Variants in GRSF1 observed in about 807,000 individuals in gnomAD.
GRSF1 encodes the protein G-rich sequence factor 1.
GRSF1 carries 50 observed loss-of-function variants against 51.1 expected under a neutral mutation model. The observed-to-expected ratio is 0.98, with a 90% confidence interval of 0.78 to 1.24. The LOEUF (loss-of-function observed/expected upper bound fraction) is 1.24. Ranked by LOEUF, GRSF1 falls within the 50% of genes most tolerant of loss-of-function variation. The pLI is 0.00. For synonymous variants in GRSF1, 293 were observed against 253.3 expected (o/e 1.16, Z -1.49); for missense variants, 700 against 639.7 (o/e 1.09, Z -1.02).
chr4:70,825,021 G>T (rs1733677483), intron 8 of GRSF1, among the ~76,000 whole-genome samples: 1 of 151,964 alleles, frequency 6.6e-6, no homozygotes, highest in African/African-American at 2.4e-5. Flanking sequence ...AGAATTGCTT[G>T]AACACAGGAG....
At chr4:70,830,485 T>C (rs1345511921) in intron 5 of GRSF1, among the ~76,000 whole-genome samples, 1 of 150,704 alleles carries the variant, frequency 6.6e-6, no homozygotes, top group East Asian at 2.0e-4. Context: ...CAGAGAATTA[T>C]GGACATAACA....
rs1392694745 is a variant in GRSF1, at chr4:70,828,029, C to T, written c.958G>A (p.Glu320Lys). The T allele has an allele frequency of 2.5e-6, 4 of 1,612,494 alleles. No individual in the cohort carries two copies. The highest frequency in any genetic ancestry group is 2.2e-5 in the East Asian group (1 of 44,860). Residue 320 changes from glutamate (E) to lysine (K), a missense_variant, in exon 6 of 10, where the codon GAG becomes AAG. Transcript: ENST00000254799. ...TCATTCCTTCTGCTTGGAAATATCT[C>T]GATGTATCTATGTCAAAGCAAAAGT... is the stretch of plus-strand genomic sequence containing the variant. Reference protein sequence around the residue: ...HREEIGNRYIEIFPSRRNEVR... With the variant: ...HREEIGNRYIKIFPSRRNEVR...
At chr4:70,833,467 A>G (rs1283469562) in intron 2 of GRSF1, among the ~76,000 whole-genome samples, 194 bp from the exon 3 acceptor site, 1 of 152,206 alleles carries the variant, frequency 6.6e-6, no homozygotes, top group East Asian at 1.9e-4. Flanking sequence ...TAGAAAAGAT[A>G]AGCAAACCTT....
intron 4 of GRSF1, 79 bp downstream of exon 4, chr4:70,832,228 C>A (rs1379249147): frequency 1.2e-5 from 14 of 1,193,722 alleles, no homozygotes. Flanking sequence ...TGCCCAGAAA[C>A]AGGCTCATCT....
rs187696666 is a variant in GRSF1, at chr4:70,830,597, T to C, written c.950+942A>G. On this transcript the variant is annotated intron_variant, in intron 5 of 9. Transcript: ENST00000254799. ...ACTTTTGGAGGCCGAGGTGGGTGAA[T>C]GACTTGAGTCCGGGAGTTCTAGACC... Among the ~76,000 whole-genome samples the C allele has an allele frequency of 3.7e-3, 560 of 152,182 alleles. 1 individual carries two copies. Among genetic ancestry groups the C allele is most frequent in the Middle Eastern group, 0.01 (3 of 294 alleles).
At chr4:70,828,224 C>G (rs1016326322) in intron 5 of GRSF1, among the ~76,000 whole-genome samples, 188 bp from the exon 6 acceptor site, 1 of 152,164 alleles carries the variant, frequency 6.6e-6, no homozygotes, top group Non-Finnish European at 1.5e-5. Flanking sequence ...CAGAGTAGGT[C>G]ACTGATTTAA....
intron 5 of GRSF1, 54 bp from the exon 6 acceptor site, chr4:70,828,090 G>C: frequency 6.4e-6 from 8 of 1,258,864 alleles, no homozygotes; most frequent in Non-Finnish European, 9.1e-6. Context: ...ACTTTATACT[G>C]AACTCATTTA....
chr4:70,838,097 T>C (rs941538048), intron 1 of GRSF1, among the ~76,000 whole-genome samples: 1 of 151,082 alleles, frequency 6.6e-6, no homozygotes, highest in Non-Finnish European at 1.5e-5. Flanking sequence ...CGGGCGCCTG[T>C]AGTCCCAGCT....
chr4:70,826,355 C>T, intron 6 of GRSF1, 110 bp from the exon 7 acceptor site: 1 of 862,798 alleles, frequency 1.2e-6, no homozygotes, highest in Non-Finnish European at 1.7e-6. Context: ...CTCTTAAGAG[C>T]ATTAAAAGCC....
Position 70,820,499 on chromosome 4 carries a change from C to T in GRSF1, c.*388G>A, listed in dbSNP as rs1194288917. On this transcript the variant is annotated 3_prime_UTR_variant, in exon 10 of 10. Transcript: ENST00000254799. ...TACATCAGAGCACTCAATTCACAGG[C>T]AAAAAAAAAAAGTTACTTTTTAAAT... The T allele has an allele frequency of 7.0e-6, 1 of 142,338 alleles. No homozygotes were observed. The highest frequency in any genetic ancestry group is 2.6e-5 in the African/African-American group (1 of 38,486). The allele number at this position is 142,338 out of a possible 1,614,324, so 8.8% of individuals were successfully genotyped here. A position where few individuals can be genotyped will look rare whatever the true frequency, so the allele number is the denominator to read the frequency against.
rs761061926 is a variant in GRSF1, at chr4:70,833,289, C to G, written c.515-16G>C. On this transcript the variant is annotated splice_polypyrimidine_tract_variant and intron_variant, in intron 2 of 9. Coordinates refer to ENST00000254799, the MANE Select transcript of GRSF1 (RefSeq NM_002092.4). ...ATTCTGCAGTCTAAAAGTGTATGAG[C>G]AAAATCAATTGAAAACAGAAATCAA... 12 of 1,607,032 alleles carry G rather than the reference C, an allele frequency of 7.5e-6. No individual in the cohort carries two copies.
chr4:70,837,934 T>C (rs1034182816), intron 1 of GRSF1, among the ~76,000 whole-genome samples: 1 of 151,836 alleles, frequency 6.6e-6, no homozygotes, highest in East Asian at 2.0e-4. Flanking sequence ...ATAATTTTCA[T>C]TAAGGCTTAA....
At chr4:70,833,477 TAGCACAGA>T (rs531243115) in intron 2 of GRSF1, among the ~76,000 whole-genome samples, 123 of 152,242 alleles carry the variant, frequency 8.1e-4, no homozygotes, top group African/African-American at 2.7e-3. Context: ...AAGCAAACCT[TAGCACAGA>T]AGCTTATGAT....
intron 1 of GRSF1, among the ~76,000 whole-genome samples, chr4:70,837,292 C>T (rs1454741949): frequency 6.6e-6 from 1 of 152,130 alleles, no homozygotes; most frequent in South Asian, 2.1e-4. Flanking sequence ...GGGCCAGGTG[C>T]GGTGGCTCAC....
At chr4:70,824,460 C>A in intron 8 of GRSF1, 92 bp from the exon 9 acceptor site, 1 of 692,430 alleles carries the variant, frequency 1.4e-6, no homozygotes. Flanking sequence ...GCAACTCAAA[C>A]CCTTTGCCCT....
chr4:70,839,149 G>A (rs1214288651), intron 1 of GRSF1: 1 of 1,328,356 alleles, frequency 7.5e-7, no homozygotes, highest in Admixed American at 2.3e-5. Flanking sequence ...ATGCGAGGTG[G>A]GGGCGTCAGC....
At position 70,839,731 on chromosome 4, in the gene GRSF1, A is replaced by G; in HGVS notation, c.97T>C (p.Tyr33His). The G allele has an allele frequency of 1.3e-6, 2 of 1,499,874 alleles. No individual in the cohort carries two copies. Among genetic ancestry groups the G allele is most frequent in the South Asian group, 1.2e-5 (1 of 81,460 alleles). The allele number at this position is 1,499,874 out of a possible 1,614,324, so 92.9% of individuals were successfully genotyped here. The change falls in exon 1 of 10, where the codon TAC becomes CAC. Residue 33 changes from tyrosine to histidine, a missense_variant. Physicochemically the swap from Tyr to His is moderately conservative, Grantham distance 83 (BLOSUM62 2). Transcript: ENST00000254799. The stretch of plus-strand genomic sequence containing the variant: ...GACGGGATAGAGCCAGCGGCGGAGT[A>G]GAAGGGCAGGCAGGCGGCGCCGGTG... ...RRTGAACLPFYSAAGSIPSGV... is the reference protein window; with the variant it reads ...RRTGAACLPFHSAAGSIPSGV...
chr4:70,822,256 T>C (rs1299676733), intron 9 of GRSF1, among the ~76,000 whole-genome samples: 2 of 152,170 alleles, frequency 1.3e-5, no homozygotes, highest in African/African-American at 2.4e-5. Context: ...TGATACACTC[T>C]GGTTTCACAT....
At chr4:70,827,542 T>C (rs1437017831) in intron 6 of GRSF1, among the ~76,000 whole-genome samples, 2 of 152,210 alleles carry the variant, frequency 1.3e-5, no homozygotes, top group East Asian at 3.9e-4. Context: ...CCCAGCACTT[T>C]AGGAGGCTGC....
Sources: allele counts gnomAD v4.1 joint callset (sites outside exome capture counted in the v4.1 genomes callset), GRCh38; gene constraint gnomAD v4.1.1; transcripts MANE v1.5; gene names NCBI Gene and HGNC (gene_info 2026-07-23, HGNC 2026-07-21).